The following MACROD1 variants were observed in gnomAD, a reference collection of about 807,000 sequenced individuals.
MACROD1 encodes ADP-ribose glycohydrolase MACROD1.
Under a neutral mutation model 41.4 loss-of-function variants are expected in MACROD1, and 31 were observed. The observed-to-expected ratio is 0.75, with a 90% CI of 0.56 to 1.01. The LOEUF is 1.01. Among genes scored for constraint, MACROD1 ranks in the 50% least tolerant of loss-of-function variants. The pLI is 0.00. For synonymous variants in MACROD1, 252 were observed against 203.4 expected (o/e 1.24, Z -2.03); for missense variants, 473 against 460.0 (o/e 1.03, Z -0.26).
At chr11:64,020,565 T>C (rs944904081) in intron 3 of MACROD1, among the ~76,000 whole-genome samples, 1 of 151,872 alleles carries the variant, frequency 6.6e-6, no homozygotes. Flanking sequence ...TGCCCCATGC[T>C]CTCCAGCCCC....
At chr11:64,056,036 G>T (rs563898173) in intron 3 of MACROD1, among the ~76,000 whole-genome samples, 4 of 152,330 alleles carry the variant, frequency 2.6e-5, no homozygotes, top group African/African-American at 9.6e-5. Context: ...AGCACAGTTT[G>T]TCCTCCCTGT....
rs2134626955 is a variant in MACROD1 at position 64,118,461 on chromosome 11, C to T, written c.517+32778G>A. On this transcript the variant is annotated intron_variant, in intron 3 of 10. Coordinates refer to ENST00000255681, the MANE Select transcript of MACROD1 (RefSeq NM_014067.4). ...GGGCTGACGATTTTGTAGAACACAACAGTGACAATTTTTTTTAAAAGAATA... is the reference window on the plus strand; with the variant it reads ...GGGCTGACGATTTTGTAGAACACAATAGTGACAATTTTTTTTAAAAGAATA... 5 of 667,916 alleles carry T rather than the reference C, an allele frequency of 7.5e-6. 1 individual carries two copies. The highest frequency in any genetic ancestry group is 4.5e-4 in the Middle Eastern group (1 of 2,198). The allele number at this position is 667,916 out of a possible 1,614,324, so 41.4% of individuals were successfully genotyped here. A position where few individuals can be genotyped will look rare whatever the true frequency, so the allele number is the denominator to read the frequency against.
intron 1 of MACROD1, among the ~76,000 whole-genome samples, chr11:64,152,633 C>T (rs1397341441): frequency 6.6e-6 from 1 of 152,208 alleles, no homozygotes; most frequent in Non-Finnish European, 1.5e-5. Context: ...CTGGCTCAGG[C>T]ATCGCAGACC....
intron 3 of MACROD1, among the ~76,000 whole-genome samples, chr11:64,045,518 CCCCTAT>C (rs1277172538): frequency 6.6e-6 from 1 of 152,192 alleles, no homozygotes; most frequent in Admixed American, 6.5e-5. Context: ...GGCTCTACCA[CCCCTAT>C]CCCAGCCTCT....
At chr11:64,011,707 C>T (rs141927713) in intron 4 of MACROD1, among the ~76,000 whole-genome samples, 10 of 152,004 alleles carry the variant, frequency 6.6e-5, no homozygotes, top group Non-Finnish European at 5.9e-5. Flanking sequence ...GCAGAGTGGC[C>T]AGGGCAGGCA....
chr11:64,012,924 C>T (rs997790072), intron 4 of MACROD1, among the ~76,000 whole-genome samples: 11 of 152,150 alleles, frequency 7.2e-5, no homozygotes, highest in South Asian at 2.1e-4. Context: ...CAGCCTTAAC[C>T]GCCCGGGCTC....
intron 3 of MACROD1, among the ~76,000 whole-genome samples, chr11:64,089,625 C>T (rs903359820): frequency 3.3e-5 from 5 of 152,226 alleles, no homozygotes; most frequent in African/African-American, 7.2e-5. Flanking sequence ...GCAAGGAACT[C>T]CCCAGTCCCA....
chr11:64,003,601 TG>T lies in MACROD1; in HGVS notation c.548-3259del, dbSNP rs1942861944. Reference sequence around the variant, plus strand: ...CCCCCATGGCCTTTGTCAGCCTTCTTGTTGGGTAAGCACCTGCGTGGTGATT... The same window carrying T: ...CCCCCATGGCCTTTGTCAGCCTTCTTTTGGGTAAGCACCTGCGTGGTGATT... On this transcript the variant is annotated intron_variant, in intron 4 of 10. Coordinates refer to ENST00000255681, the MANE Select transcript of MACROD1 (RefSeq NM_014067.4). Among the ~76,000 whole-genome samples the T allele has an allele frequency of 3.3e-5, 5 of 152,272 alleles. No homozygotes were observed. The Middle Eastern group carries it at 0.014, about 414-fold the overall frequency.
At chr11:64,088,679 C>A (rs1293591172) in intron 3 of MACROD1, among the ~76,000 whole-genome samples, 1 of 152,192 alleles carries the variant, frequency 6.6e-6, no homozygotes, top group African/African-American at 2.4e-5. Context: ...AGTCACTCGA[C>A]CCCTCTGGGT....
At chr11:64,027,273 G>A (rs554175035) in intron 3 of MACROD1, among the ~76,000 whole-genome samples, 12 of 152,318 alleles carry the variant, frequency 7.9e-5, no homozygotes, top group Middle Eastern at 3.4e-3. Flanking sequence ...GTGTCATGGC[G>A]GGTGCTGGAG....
chr11:64,046,145 G>A (rs1055088545), intron 3 of MACROD1, among the ~76,000 whole-genome samples: 6 of 152,140 alleles, frequency 3.9e-5, no homozygotes, highest in East Asian at 1.9e-4. Context: ...ATGGGAACCC[G>A]GCTTCTCTTA....
At chr11:64,115,982 G>A (rs1213666527) in intron 3 of MACROD1, among the ~76,000 whole-genome samples, 1 of 152,160 alleles carries the variant, frequency 6.6e-6, no homozygotes, top group East Asian at 1.9e-4. Flanking sequence ...GCAGCCTCTT[G>A]GCTCCTGATA....
Position 63,998,704 on chromosome 11 carries a change from G to A in MACROD1, c.*31-17C>T, listed in dbSNP as rs776892245. On this transcript the variant is annotated splice_polypyrimidine_tract_variant and intron_variant, in intron 10 of 10. Coordinates refer to ENST00000255681, the MANE Select transcript of MACROD1 (RefSeq NM_014067.4). The stretch of plus-strand genomic sequence containing the variant: ...AAGGCGGGTCTGAGGGCAGAGCAGA[G>A]TCAGAGGTGTCTATGGGCGTCCCCG... 2.2e-6 allele frequency: 3 copies of A among 1,395,122 alleles called. No individual in the cohort carries two copies. Among genetic ancestry groups the A allele is most frequent in the Non-Finnish European group, 1.9e-6 (2 of 1,078,458 alleles). The allele number at this position is 1,395,122 out of a possible 1,614,324, so 86.4% of individuals were successfully genotyped here. A position where few individuals can be genotyped will look rare whatever the true frequency, so the allele number is the denominator to read the frequency against.
chr11:64,155,270 G>C (rs1209515770), intron 1 of MACROD1, among the ~76,000 whole-genome samples: 1 of 151,846 alleles, frequency 6.6e-6, no homozygotes, highest in East Asian at 1.9e-4. Flanking sequence ...AATTAAAAAA[G>C]AAAAAAAAGA....
At chr11:64,071,479 G>A (rs1944106511) in intron 3 of MACROD1, among the ~76,000 whole-genome samples, 1 of 152,176 alleles carries the variant, frequency 6.6e-6, no homozygotes, top group Non-Finnish European at 1.5e-5. Flanking sequence ...AGGCCAAGGA[G>A]AGCATTGTCC....
At chr11:64,077,900 C>A (rs1349740350) in intron 3 of MACROD1, among the ~76,000 whole-genome samples, 2 of 152,224 alleles carry the variant, frequency 1.3e-5, no homozygotes, top group African/African-American at 2.4e-5. Flanking sequence ...TATGTTTAGG[C>A]CCTTAGACCC....
rs1942786788 is a variant in MACROD1 at position 63,999,770 on chromosome 11, G to C, written c.665-7C>G. 2 of 1,603,422 alleles carry C rather than the reference G, an allele frequency of 1.2e-6. No homozygotes were observed. Among genetic ancestry groups the C allele is most frequent in the African/African-American group, 1.3e-5 (1 of 74,784 alleles). On this transcript the variant is annotated splice_region_variant and splice_polypyrimidine_tract_variant and intron_variant, in intron 5 of 10. Coordinates refer to ENST00000255681, the MANE Select transcript of MACROD1 (RefSeq NM_014067.4). ...CCCACTGTGTGGATGACGTCTACGG[G>C]GGGCGACGGGGTCAGACCGGCGGGG...
intron 3 of MACROD1, among the ~76,000 whole-genome samples, chr11:64,028,685 C>T (rs960293628): frequency 6.6e-6 from 1 of 151,984 alleles, no homozygotes; most frequent in Non-Finnish European, 1.5e-5. Flanking sequence ...CTCTTCCCCT[C>T]CCCCTCCTCC....
At chr11:64,095,162 C>T (rs1944555231) in intron 3 of MACROD1, among the ~76,000 whole-genome samples, 1 of 152,214 alleles carries the variant, frequency 6.6e-6, no homozygotes, top group Non-Finnish European at 1.5e-5. Flanking sequence ...ATTCCACTCT[C>T]GTGTGAGGTG....
Sources: allele counts gnomAD v4.1 joint callset (sites outside exome capture counted in the v4.1 genomes callset), GRCh38; gene constraint gnomAD v4.1.1; transcripts MANE v1.5; gene names NCBI Gene and HGNC (gene_info 2026-07-23, HGNC 2026-07-21).